ADAMTS19: variants seen among roughly 807,000 people sequenced by gnomAD.
ADAMTS19 encodes A disintegrin and metalloproteinase with thrombospondin motifs 19.
Under a neutral mutation model 153.3 loss-of-function variants are expected in ADAMTS19, and 93 were observed. The observed-to-expected ratio is 0.61, with a 90% confidence interval of 0.51 to 0.72. The LOEUF is 0.72. ADAMTS19 is among the 30% of genes least tolerant of loss of function. The pLI is 0.00. For missense variants in ADAMTS19, 1,482 were observed against 1,552.1 expected (o/e 0.95, Z 0.76); for synonymous variants, 600 against 556.6 (o/e 1.08, Z -1.10).
intron 7 of ADAMTS19, among the ~76,000 whole-genome samples, chr5:129,577,425 T>C (rs1279274145): frequency 6.6e-6 from 1 of 152,032 alleles, no homozygotes; most frequent in Non-Finnish European, 1.5e-5. Context: ...AAGATAAAAC[T>C]GATATAGAAA....
rs570466790 is a variant in ADAMTS19 at position 129,716,916 on chromosome 5, A to T, written c.3312+12525A>T. Among the ~76,000 whole-genome samples, 31 of 152,208 alleles carry T rather than the reference A, an allele frequency of 2.0e-4. 1 individual carries two copies. In the South Asian group the frequency reaches 2.3e-3, roughly 11 times the overall value. ...TTGTAACCTAACCTACGTCTCCAGA[A>T]TTTTCTCATCATTTTCATTAACTCA... On this transcript the variant is annotated intron_variant, in intron 21 of 22. Coordinates refer to ENST00000274487, the MANE Select transcript of ADAMTS19 (RefSeq NM_133638.6).
In ADAMTS19 at chr5:129,461,047, T is replaced by C. The variant is rs1392341464; in HGVS notation, c.92-55T>C. On this transcript the variant is annotated intron_variant, in intron 1 of 22. Transcript: ENST00000274487. The surrounding 1 kb of genome is among the most constrained non-coding windows in gnomAD (Gnocchi z 4.6). The stretch of plus-strand genomic sequence containing the variant: ...TGGACTGTGAGCTTGGAAATGTTTG[T>C]GCTACTGGAACCGCGGCACTTTAAG... The C allele has an allele frequency of 1.5e-6, 2 of 1,299,522 alleles. No individual in the cohort carries two copies. The highest frequency in any genetic ancestry group is 9.7e-7 in the Non-Finnish European group (1 of 1,028,340). The allele number at this position is 1,299,522 out of a possible 1,614,324, so 80.5% of individuals were successfully genotyped here.
intron 2 of ADAMTS19, among the ~76,000 whole-genome samples, chr5:129,464,423 G>A (rs982680022): frequency 4.6e-5 from 7 of 152,280 alleles, no homozygotes; most frequent in Middle Eastern, 3.4e-3. Context: ...CTCAGGGAAA[G>A]CTTTCTTATT....
chr5:129,582,933 TA>T (rs1749595576), intron 7 of ADAMTS19, among the ~76,000 whole-genome samples: 1 of 152,166 alleles, frequency 6.6e-6, no homozygotes, highest in South Asian at 2.1e-4. Context: ...TTGTTATGTG[TA>T]AATTTGATCC....
At chr5:129,566,971 G>A (rs1405157975) in intron 7 of ADAMTS19, among the ~76,000 whole-genome samples, 1 of 35,032 alleles carries the variant, frequency 2.9e-5, no homozygotes, top group East Asian at 3.9e-4. Context: ...CTTTCTGAAA[G>A]CAGGAAATGA....
At chr5:129,653,482 A>G (rs181835068) in intron 13 of ADAMTS19, among the ~76,000 whole-genome samples, 2 of 152,312 alleles carry the variant, frequency 1.3e-5, no homozygotes, top group African/African-American at 2.4e-5. Flanking sequence ...TGATTGCTCA[A>G]TGATGCACAA....
In ADAMTS19 at chr5:129,462,614, T is replaced by TG. The variant is rs1288168786; in HGVS notation, c.747+858dup. ...AAGTTGACCTTTGTGTGTGTGTGTGTGTGGGGGGGTCAAATATGCATAACA... is the reference window on the plus strand; with the variant it reads ...AAGTTGACCTTTGTGTGTGTGTGTGTGGTGGGGGGGTCAAATATGCATAACA... On this transcript the variant is annotated intron_variant, in intron 2 of 22. Coordinates refer to ENST00000274487, the MANE Select transcript of ADAMTS19 (RefSeq NM_133638.6). 6.6e-3 allele frequency among the ~76,000 whole-genome samples: 986 copies of TG among 148,492 alleles called. 10 individuals carry two copies. Among genetic ancestry groups the TG allele is most frequent in the African/African-American group, 0.02 (800 of 39,428 alleles).
At chr5:129,587,363 C>T (rs2126899045) in intron 7 of ADAMTS19, among the ~76,000 whole-genome samples, 1 of 151,156 alleles carries the variant, frequency 6.6e-6, no homozygotes, top group East Asian at 1.9e-4. Context: ...CATCTGCTAA[C>T]TGCTATATTT....
At chr5:129,599,667 T>A (rs1278963372) in intron 8 of ADAMTS19, among the ~76,000 whole-genome samples, 1 of 152,218 alleles carries the variant, frequency 6.6e-6, no homozygotes, top group Non-Finnish European at 1.5e-5. Context: ...TACAACTATT[T>A]AAACTAAAAA....
chr5:129,581,852 C>T (rs955239509), intron 7 of ADAMTS19, among the ~76,000 whole-genome samples: 1 of 151,978 alleles, frequency 6.6e-6, no homozygotes, highest in African/African-American at 2.4e-5. Context: ...GCCTTAATTT[C>T]GTTATTTACC....
chr5:129,586,351 T>C (rs1749801669), intron 7 of ADAMTS19, among the ~76,000 whole-genome samples: 1 of 152,186 alleles, frequency 6.6e-6, no homozygotes, highest in Admixed American at 6.5e-5. Context: ...CTCTTAATCC[T>C]TGGCATCCAC....
chr5:129,727,750 A>G (rs1259361793), intron 21 of ADAMTS19, among the ~76,000 whole-genome samples: 1 of 152,182 alleles, frequency 6.6e-6, no homozygotes, highest in East Asian at 1.9e-4. Context: ...AAGCTTTAAC[A>G]AAGTGCCTGG....
chr5:129,558,339 T>G (rs1173210806), intron 7 of ADAMTS19, among the ~76,000 whole-genome samples: 1 of 152,134 alleles, frequency 6.6e-6, no homozygotes, highest in Non-Finnish European at 1.5e-5. Flanking sequence ...TGGTTAGATA[T>G]CAAATCAATA....
intron 7 of ADAMTS19, among the ~76,000 whole-genome samples, chr5:129,567,162 CA>C (rs1367239641): frequency 2.6e-5 from 4 of 152,026 alleles, no homozygotes. Context: ...TGAAAATTGA[CA>C]ATTTAACCAA....
At position 129,461,559 on chromosome 5, in the gene ADAMTS19, C is replaced by G; in HGVS notation, c.549C>G (p.Tyr183Ter). The G allele has an allele frequency of 6.5e-7, 1 of 1,549,690 alleles. No individual in the cohort carries two copies. Among genetic ancestry groups the G allele is most frequent in the Non-Finnish European group, 8.7e-7 (1 of 1,154,472 alleles). ...TCCCGGCCTTCTCTCGGGACCTGTA[C>G]CTGCTGCTCCGGAGAGACGGCCGCT... ...LRIPAFSRDL[Y>*]LLLRRDGRFL... is the part of the protein sequence containing the mutation. Residue 183 changes from tyrosine to a stop codon, truncating the protein, a stop_gained, in exon 2 of 23, where the codon TAC (tyrosine) becomes TAG (stop). Coordinates refer to ENST00000274487, the MANE Select transcript of ADAMTS19 (RefSeq NM_133638.6). LOFTEE classifies it high-confidence loss of function. The surrounding 1 kb of genome is among the most constrained non-coding windows in gnomAD (Gnocchi z 4.6).
At chr5:129,498,798 A>ATTT (rs10637813) in intron 2 of ADAMTS19, among the ~76,000 whole-genome samples, 8,503 of 133,976 alleles carry the variant, frequency 0.063, 288 homozygotes, top group Middle Eastern at 0.14. Context: ...CATTCACTCT[A>ATTT]TTTTTTTTTT....
chr5:129,708,803 C>G (rs1357730466), intron 21 of ADAMTS19, among the ~76,000 whole-genome samples: 3 of 152,012 alleles, frequency 2.0e-5, no homozygotes, highest in African/African-American at 7.2e-5. Context: ...ACAATTCAAA[C>G]TTACTCCTTT....
chr5:129,605,014 T>C (rs1460412388), intron 8 of ADAMTS19, among the ~76,000 whole-genome samples: 1 of 152,186 alleles, frequency 6.6e-6, no homozygotes, highest in Non-Finnish European at 1.5e-5. Context: ...AGCTGTTGAC[T>C]CCACCTTCAA....
chr5:129,578,586 C>A (rs1749326490), intron 7 of ADAMTS19, among the ~76,000 whole-genome samples: 1 of 151,892 alleles, frequency 6.6e-6, no homozygotes, highest in Non-Finnish European at 1.5e-5. Flanking sequence ...CTTATGCTAT[C>A]CCTCCCTTAA....
Sources: gnomAD v4.1 joint callset for allele counts (sites outside exome capture counted in the v4.1 genomes callset) on GRCh38, gnomAD v4.1.1 for gene constraint, Gnocchi (gnomAD v3.1) non-coding constraint, MANE v1.5 for transcripts, NCBI Gene and HGNC (gene_info 2026-07-23, HGNC 2026-07-21) for gene names.